PTPN4: variants seen among roughly 807,000 people sequenced by gnomAD.
PTPN4 encodes the protein protein tyrosine phosphatase non-receptor type 4, also known as tyrosine-protein phosphatase non-receptor type 4.
A neutral mutation model predicts 135.5 loss-of-function variants in PTPN4; 49 were observed. That is an observed-to-expected ratio of 0.36 (90% CI 0.29 to 0.46). The LOEUF (loss-of-function observed/expected upper bound fraction) is 0.46. Ranked by LOEUF, PTPN4 falls within the 20% of genes least tolerant of loss-of-function variation. The pLI, the probability that PTPN4 is intolerant of heterozygous loss-of-function variation, is 1.00. For synonymous variants in PTPN4, 333 were observed against 369.9 expected (o/e 0.90, Z 1.14); for missense variants, 860 against 1,101.0 (o/e 0.78, Z 3.10).
At chr2:119,861,261 C>T (rs1162785376) in intron 2 of PTPN4, among the ~76,000 whole-genome samples, 3 of 152,074 alleles carry the variant, frequency 2.0e-5, no homozygotes, top group Non-Finnish European at 4.4e-5. Flanking sequence ...AACTCACTCG[C>T]TCCCTTGAGA....
chr2:119,981,720 A>G lies in PTPN4; in HGVS notation c.*4650A>G, dbSNP rs541561908. On this transcript the variant is annotated 3_prime_UTR_variant, in exon 27 of 27. Transcript: ENST00000263708. ...ATATAGACTTCATTGATACTCAGCA[A>G]TTACTACAGTGTGTCTTACAATGTT... The G allele has an allele frequency of 3.9e-5, 6 of 152,184 alleles. No individual in the cohort carries two copies. The highest frequency in any genetic ancestry group is 2.1e-4 in the South Asian group (1 of 4,828). 9.4% of individuals were successfully genotyped at this position (152,184 alleles called of 1,614,324 possible).
At position 119,920,387 on chromosome 2, in the gene PTPN4, G is replaced by T. The variant is rs1678718785; in HGVS notation, c.1001+146G>T. On this transcript the variant is annotated intron_variant, in intron 12 of 26. Transcript: ENST00000263708. ...CCTATGGATTGCAGCCTCTATATCA[G>T]TATCATTAAAAAGTTCTATAGGTTC... The T allele has an allele frequency of 2.8e-5, 24 of 849,288 alleles. No individual in the cohort carries two copies. In the South Asian group the frequency reaches 5.4e-4, roughly 19 times the overall value. 52.6% of individuals were successfully genotyped at this position (849,288 alleles called of 1,614,324 possible).
At chr2:119,807,659 C>G (rs575111898) in intron 1 of PTPN4, among the ~76,000 whole-genome samples, 4 of 152,140 alleles carry the variant, frequency 2.6e-5, no homozygotes, top group Non-Finnish European at 4.4e-5. Flanking sequence ...AAGCGGAGCT[C>G]GTACCATTCC....
chr2:119,766,636 A>G (rs1295212354), intron 1 of PTPN4, among the ~76,000 whole-genome samples: 2 of 152,150 alleles, frequency 1.3e-5, no homozygotes, highest in African/African-American at 2.4e-5. Flanking sequence ...ATAAGATTAG[A>G]TGCAGGTTTT....
At chr2:119,946,670 A>G (rs1558771726) in intron 18 of PTPN4, 96 bp downstream of exon 18, 2 of 986,794 alleles carry the variant, frequency 2.0e-6, no homozygotes. Context: ...GAATTTCATC[A>G]TTTCTTTTAT....
intron 26 of PTPN4, among the ~76,000 whole-genome samples, chr2:119,975,234 C>T (rs1260695617): frequency 6.6e-6 from 1 of 152,172 alleles, no homozygotes. Context: ...ATCTCCACCT[C>T]CCAAGTATCT....
chr2:119,785,831 A>G (rs1671883238), intron 1 of PTPN4, among the ~76,000 whole-genome samples: 1 of 152,096 alleles, frequency 6.6e-6, no homozygotes, highest in Admixed American at 6.6e-5. Context: ...GGAGAGAGCA[A>G]TCAGAAGTTT....
At chr2:119,788,506 T>C (rs1339289711) in intron 1 of PTPN4, among the ~76,000 whole-genome samples, 3 of 152,148 alleles carry the variant, frequency 2.0e-5, no homozygotes, top group Non-Finnish European at 4.4e-5. Flanking sequence ...TCAGTAGTAG[T>C]AGGTACATTC....
intron 15 of PTPN4, among the ~76,000 whole-genome samples, chr2:119,938,634 T>A (rs17611512): frequency 0.012 from 1,829 of 152,060 alleles, 20 homozygotes; most frequent in Non-Finnish European, 0.017. Context: ...AAAATATAAG[T>A]GATTTGTGTT....
chr2:119,878,247 T>C (rs1486400559), intron 5 of PTPN4, among the ~76,000 whole-genome samples: 1 of 152,152 alleles, frequency 6.6e-6, no homozygotes, highest in Non-Finnish European at 1.5e-5. Flanking sequence ...AAGGTAGAAA[T>C]GGAGAAATAC....
chr2:119,943,630 A>G (rs1322469828), intron 15 of PTPN4, among the ~76,000 whole-genome samples: 1 of 130,232 alleles, frequency 7.7e-6, no homozygotes, highest in Non-Finnish European at 1.6e-5. Flanking sequence ...CTGTCGCCCA[A>G]GTTGGAGTGC....
At chr2:119,776,830 TGGTAAGATTTCC>T (rs1690846792) in intron 1 of PTPN4, among the ~76,000 whole-genome samples, 1 of 152,246 alleles carries the variant, frequency 6.6e-6, no homozygotes, top group South Asian at 2.1e-4. Flanking sequence ...ACTTTGTTAT[TGGTAAGATTTCC>T]GGTCAACAGT....
intron 8 of PTPN4, 44 bp from the exon 9 acceptor site, chr2:119,885,751 A>G (rs772624067): frequency 5.7e-5 from 74 of 1,306,928 alleles, no homozygotes; most frequent in Admixed American, 7.1e-5. Flanking sequence ...TATTTATTTG[A>G]TTGATTGATT....
chr2:119,836,712 T>TG (rs771342298), intron 2 of PTPN4, among the ~76,000 whole-genome samples: 4 of 152,226 alleles, frequency 2.6e-5, no homozygotes, highest in African/African-American at 4.8e-5. Flanking sequence ...TGGAAGTACC[T>TG]GCTCCCACTG....
Position 119,760,093 on chromosome 2 carries a change from TC to T in PTPN4, c.-304del. 2.6e-6 allele frequency: 1 copy of T among 386,096 alleles called. No individual in the cohort carries two copies. 23.9% of individuals were successfully genotyped at this position (386,096 alleles called of 1,614,324 possible). ...GTCGGAGGATTGGGGCCAGGCCCCCTCCCCCACGCACTTTTGGGGGTGTGGA... is the reference window on the plus strand; with the variant it reads ...GTCGGAGGATTGGGGCCAGGCCCCCTCCCCACGCACTTTTGGGGGTGTGGA... On this transcript the variant is annotated 5_prime_UTR_variant, in exon 1 of 27. Coordinates refer to ENST00000263708, the MANE Select transcript of PTPN4 (RefSeq NM_002830.4).
At chr2:119,937,728 C>T (rs1179061701) in intron 15 of PTPN4, among the ~76,000 whole-genome samples, 3 of 152,112 alleles carry the variant, frequency 2.0e-5, no homozygotes, top group African/African-American at 4.8e-5. Flanking sequence ...ATAGTACACT[C>T]GAATATAACA....
intron 9 of PTPN4, among the ~76,000 whole-genome samples, chr2:119,887,090 T>A (rs1678170910): frequency 6.6e-6 from 1 of 152,204 alleles, no homozygotes; most frequent in Non-Finnish European, 1.5e-5. Context: ...ACATGATTCT[T>A]AAAAATGTAA....
intron 25 of PTPN4, 32 bp from the exon 26 acceptor site, chr2:119,967,805 G>T: frequency 6.5e-7 from 1 of 1,537,708 alleles, no homozygotes. Flanking sequence ...GAATAGTATC[G>T]GTAAGATCTT....
intron 14 of PTPN4, among the ~76,000 whole-genome samples, chr2:119,933,416 TTC>T: frequency 6.6e-6 from 1 of 152,156 alleles, no homozygotes; most frequent in Non-Finnish European, 1.5e-5. Flanking sequence ...CAGTGGCTCA[TTC>T]CTGTAATCCC....
Sources: gnomAD v4.1 joint callset for allele counts (sites outside exome capture counted in the v4.1 genomes callset) on GRCh38, gnomAD v4.1.1 for gene constraint, MANE v1.5 for transcripts, NCBI Gene and HGNC (gene_info 2026-07-23, HGNC 2026-07-21) for gene names.